Variants in TOMM20L observed in about 807,000 individuals in gnomAD.
TOMM20L encodes TOMM20-like protein 1.
In TOMM20L, 19 loss-of-function variants were observed where a neutral mutation model predicts 20.4. That is an observed-to-expected ratio of 0.93 (90% CI 0.65 to 1.36). TOMM20L has a LOEUF of 1.36. TOMM20L is among the 40% of genes most tolerant of loss of function. The pLI is 0.00. For missense variants in TOMM20L, 218 were observed against 203.7 expected, an observed-to-expected ratio of 1.07 and a Z score of -0.43; for synonymous variants, 75 against 79.6, an observed-to-expected ratio of 0.94 and a Z score of 0.30.
At chr14:58,407,281 T>TAAAG (rs770976838) in intron 3 of TOMM20L, 45 bp from the exon 4 acceptor site, 2 of 1,554,472 alleles carry the variant, frequency 1.3e-6, no homozygotes, top group Non-Finnish European at 1.7e-6. Context: ...ATGTCTGTTT[T>TAAAG]AAAGAACTTC....
chr14:58,396,108 G>A lies in TOMM20L; in HGVS notation c.136+15G>A. ...CCTGCGGGACAGTGAGTGGGACCGA[G>A]GCGGAGGCGCGGCCGGGCCGGGCAG... On this transcript the variant is annotated intron_variant, in intron 1 of 4. Transcript: ENST00000360945. 1.5e-6 allele frequency: 2 copies of A among 1,324,370 alleles called. No homozygotes were observed. The highest frequency in any genetic ancestry group is 5.3e-5 in the South Asian group (2 of 37,824). The allele number at this position is 1,324,370 out of a possible 1,614,324, so 82.0% of individuals were successfully genotyped here. A position where few individuals can be genotyped will look rare whatever the true frequency, so the allele number is the denominator to read the frequency against.
At chr14:58,413,031 C>G (rs1448184080), downstream of TOMM20L, among the ~76,000 whole-genome samples, 1 of 152,112 alleles carries the variant, frequency 6.6e-6, no homozygotes, top group Non-Finnish European at 1.5e-5. Context: ...TACTATTATA[C>G]TCAGTCGAAT....
downstream of TOMM20L, chr14:58,409,149 C>T (rs1217040667): frequency 6.2e-7 from 1 of 1,613,660 alleles, no homozygotes; most frequent in Admixed American, 1.7e-5. Context: ...TTTCTGTAAG[C>T]AATGTTCTGA....
At chr14:58,396,585 T>A (rs1594993822) in intron 2 of TOMM20L, among the ~76,000 whole-genome samples, 1 of 152,230 alleles carries the variant, frequency 6.6e-6, no homozygotes, top group East Asian at 1.9e-4. Flanking sequence ...CAAAACACTG[T>A]ACAACAGGCA....
intron 3 of TOMM20L, among the ~76,000 whole-genome samples, chr14:58,404,693 C>T (rs1433130823): frequency 6.6e-6 from 1 of 152,070 alleles, no homozygotes; most frequent in Non-Finnish European, 1.5e-5. Flanking sequence ...ACATTAATCA[C>T]TGTAATTTGT....
chr14:58,411,213 C>T (rs576683366), downstream of TOMM20L, among the ~76,000 whole-genome samples: 2 of 151,860 alleles, frequency 1.3e-5, no homozygotes, highest in African/African-American at 4.8e-5. Flanking sequence ...TTTGGGAGGC[C>T]GAGGTGGGCG....
At chr14:58,402,185 TTAAAA>T (rs1000067104) in intron 2 of TOMM20L, among the ~76,000 whole-genome samples, 37 of 152,218 alleles carry the variant, frequency 2.4e-4, no homozygotes, top group Admixed American at 2.2e-3. Context: ...TTTAAAACAC[TTAAAA>T]TAATCCCATT....
intron 2 of TOMM20L, among the ~76,000 whole-genome samples, chr14:58,397,412 G>T (rs1419238561): frequency 6.6e-6 from 1 of 152,208 alleles, no homozygotes; most frequent in Non-Finnish European, 1.5e-5. Context: ...AGAGGAAATA[G>T]ATTCTACCTC....
intron 2 of TOMM20L, 111 bp downstream of exon 2, chr14:58,396,452 C>T (rs779496571): frequency 7.5e-4 from 932 of 1,237,376 alleles, no homozygotes; most frequent in Non-Finnish European, 1.0e-3. Flanking sequence ...CTCAGCCGCC[C>T]GTGCCCGGGA....
the TOMM20L span, among the ~76,000 whole-genome samples, chr14:58,416,054 G>GAAA: frequency 2.2e-4 from 27 of 122,128 alleles, no homozygotes; most frequent in Middle Eastern, 4.1e-3. Flanking sequence ...CGTCCCTACT[G>GAAA]AAAAAAAAAA....
At chr14:58,398,556 T>G (rs891985227) in intron 2 of TOMM20L, 32 of 152,162 alleles carry the variant, frequency 2.1e-4, no homozygotes, top group Non-Finnish European at 3.4e-4. Context: ...CACAATTATT[T>G]TGGTTTTATT....
At chr14:58,413,558 G>C (rs1252201210), downstream of TOMM20L, among the ~76,000 whole-genome samples, 8 of 152,078 alleles carry the variant, frequency 5.3e-5, no homozygotes, top group Non-Finnish European at 1.2e-4. Context: ...GGGAAGACAA[G>C]TAAATAAAAA....
At chr14:58,400,183 A>G (rs748867890) in intron 2 of TOMM20L, among the ~76,000 whole-genome samples, 18 of 151,824 alleles carry the variant, frequency 1.2e-4, no homozygotes, top group Non-Finnish European at 2.4e-4. Flanking sequence ...AGGTGGTTGG[A>G]TCACCTGAGG....
At chr14:58,403,682 C>G (rs1000977099) in intron 3 of TOMM20L, among the ~76,000 whole-genome samples, 4 of 151,666 alleles carry the variant, frequency 2.6e-5, no homozygotes, top group African/African-American at 9.7e-5. Context: ...ACTAAAAATA[C>G]AAAAACTTAG....
In TOMM20L at chr14:58,401,646, A is replaced by G. The variant is rs372198315; in HGVS notation, c.181-1034A>G. Among the ~76,000 whole-genome samples, 219 of 152,278 alleles carry G rather than the reference A, an allele frequency of 1.4e-3. 2 individuals are homozygous for G. The highest frequency in any genetic ancestry group is 4.8e-3 in the African/African-American group (198 of 41,556). On this transcript the variant is annotated intron_variant, in intron 2 of 4. Transcript: ENST00000360945. ...AAAATTAGTGGGGGAAAACAAAAACAAAAACCTTACAGATTTGAAACACTG... is the reference window on the plus strand; with the variant it reads ...AAAATTAGTGGGGGAAAACAAAAACGAAAACCTTACAGATTTGAAACACTG...
Position 58,402,762 on chromosome 14 carries a change from G to GT in TOMM20L, c.262+2dup, listed in dbSNP as rs777991893. 6 of 1,605,748 alleles carry GT rather than the reference G, an allele frequency of 3.7e-6. No homozygotes were observed. The highest frequency in any genetic ancestry group is 5.1e-6 in the Non-Finnish European group (6 of 1,173,018). ...ATGGGAGAACTTTGGTTATCTAGAG[G>GT]TAAGAATGTAAATGTTCTTTTGTGA... On this transcript the variant is annotated splice_donor_variant, in intron 3 of 4. Transcript: ENST00000360945. LOFTEE classifies it high-confidence loss of function.
intron 1 of TOMM20L, 27 bp from the exon 2 acceptor site, chr14:58,396,271 C>T: frequency 6.2e-7 from 1 of 1,612,302 alleles, no homozygotes; most frequent in East Asian, 2.2e-5. Flanking sequence ...GGCCTCCCAG[C>T]CAGCATGTGC....
At chr14:58,401,287 C>T (rs1486263103) in intron 2 of TOMM20L, among the ~76,000 whole-genome samples, 4 of 151,864 alleles carry the variant, frequency 2.6e-5, no homozygotes, top group Non-Finnish European at 5.9e-5. Context: ...AAAGGTGACC[C>T]CTGGCTGGGC....
the TOMM20L span, among the ~76,000 whole-genome samples, chr14:58,415,820 T>C: frequency 9.2e-4 from 140 of 152,028 alleles, no homozygotes; most frequent in Admixed American, 3.7e-3. Context: ...CTCCCCAAGT[T>C]TGGCAAAAGA....
Sources: gnomAD v4.1 joint callset for allele counts (sites outside exome capture counted in the v4.1 genomes callset) on GRCh38, gnomAD v4.1.1 for gene constraint, MANE v1.5 for transcripts, NCBI Gene and HGNC (gene_info 2026-07-23, HGNC 2026-07-21) for gene names.